The following RAB38 variants were observed in gnomAD, a reference collection of about 807,000 sequenced individuals.
RAB38 encodes the protein ras-related protein Rab-38.
Under a neutral mutation model 18.4 loss-of-function variants are expected in RAB38, and 15 were observed. That is an observed-to-expected ratio of 0.82 (90% CI 0.55 to 1.26). The LOEUF (loss-of-function observed/expected upper bound fraction) is 1.26, where lower values mean the gene tolerates loss of function less well. Among genes scored for constraint, RAB38 ranks in the 50% most tolerant of loss-of-function variants. RAB38 has a pLI of 0.00. For missense variants in RAB38, 294 were observed against 267.4 expected, an observed-to-expected ratio of 1.10 and a Z score of -0.69; for synonymous variants, 101 against 104.4, an observed-to-expected ratio of 0.97 and a Z score of 0.20.
intron 2 of RAB38, among the ~76,000 whole-genome samples, chr11:88,124,586 T>C (rs190590482): frequency 2.2e-4 from 34 of 152,318 alleles, no homozygotes; most frequent in African/African-American, 7.9e-4. Flanking sequence ...GCCTCAACCA[T>C]AGAACCTGTC....
At chr11:88,014,855 T>G in the RAB38 span, among the ~76,000 whole-genome samples, 1 of 152,058 alleles carries the variant, frequency 6.6e-6, no homozygotes, top group South Asian at 2.1e-4. Context: ...GAAATGTTAT[T>G]AGAAATAGTA....
At chr11:88,101,970 T>C in the RAB38 span, among the ~76,000 whole-genome samples, 2 of 151,966 alleles carry the variant, frequency 1.3e-5, no homozygotes, top group African/African-American at 4.8e-5. Flanking sequence ...ATGGTTACCT[T>C]GGAGATCCTG....
At chr11:87,829,941 C>T in the RAB38 span, among the ~76,000 whole-genome samples, 2 of 152,068 alleles carry the variant, frequency 1.3e-5, no homozygotes, top group Admixed American at 1.3e-4. Context: ...GATGTTTGAT[C>T]TATATACAAT....
At chr11:88,032,691 C>G in the RAB38 span, among the ~76,000 whole-genome samples, 4 of 152,174 alleles carry the variant, frequency 2.6e-5, no homozygotes, top group Admixed American at 2.6e-4. Context: ...CATCTCACAC[C>G]AGTTAGAATG....
At chr11:88,172,984 T>G (rs1345388078) in intron 1 of RAB38, among the ~76,000 whole-genome samples, 1 of 152,214 alleles carries the variant, frequency 6.6e-6, no homozygotes, top group Non-Finnish European at 1.5e-5. Flanking sequence ...ATCTGTAGAA[T>G]GAACTTCCCA....
intron 2 of RAB38, among the ~76,000 whole-genome samples, chr11:88,128,611 A>G: frequency 6.6e-6 from 1 of 152,166 alleles, no homozygotes; most frequent in East Asian, 1.9e-4. Context: ...AATTTTTCCT[A>G]CCTGCCCTCA....
At chr11:88,122,519 T>C (rs529364153) in intron 2 of RAB38, among the ~76,000 whole-genome samples, 4 of 152,344 alleles carry the variant, frequency 2.6e-5, no homozygotes, top group Non-Finnish European at 5.9e-5. Flanking sequence ...AAAATATTAA[T>C]TGTAATAATT....
the RAB38 span, among the ~76,000 whole-genome samples, chr11:87,819,659 G>GAT: frequency 4.2e-3 from 587 of 141,008 alleles, no homozygotes; most frequent in South Asian, 0.017. Context: ...GGATCTCTTG[G>GAT]ATATATATAT....
At chr11:87,884,534 T>C in the RAB38 span, among the ~76,000 whole-genome samples, 1 of 151,950 alleles carries the variant, frequency 6.6e-6, no homozygotes, top group Non-Finnish European at 1.5e-5. Context: ...AGCAATGGGA[T>C]GGGACTGGTA....
chr11:88,158,233 G>A (rs35875238), intron 1 of RAB38, among the ~76,000 whole-genome samples: 18,818 of 151,860 alleles, frequency 0.12, 1,541 homozygotes, highest in Middle Eastern at 0.22. Context: ...GAATCAGAAA[G>A]GAATTAAAAC....
At chr11:87,953,695 G>T in the RAB38 span, among the ~76,000 whole-genome samples, 1 of 152,008 alleles carries the variant, frequency 6.6e-6, no homozygotes, top group Non-Finnish European at 1.5e-5. Context: ...TACTATCTGC[G>T]GTTTCAGGCA....
At chr11:87,878,547 C>G in the RAB38 span, among the ~76,000 whole-genome samples, 2 of 151,480 alleles carry the variant, frequency 1.3e-5, no homozygotes, top group Admixed American at 1.3e-4. Flanking sequence ...AAGAATTCAT[C>G]CCAAGGCAAT....
the RAB38 span, among the ~76,000 whole-genome samples, chr11:88,079,011 T>A: frequency 6.6e-6 from 1 of 151,976 alleles, no homozygotes; most frequent in African/African-American, 2.4e-5. Context: ...ACATCTATTA[T>A]GTATCAATTA....
At chr11:87,972,758 A>AT in the RAB38 span, among the ~76,000 whole-genome samples, 6 of 152,128 alleles carry the variant, frequency 3.9e-5, no homozygotes, top group African/African-American at 1.4e-4. Flanking sequence ...AAATAAATAT[A>AT]TTTTTTAAAA....
the RAB38 span, among the ~76,000 whole-genome samples, chr11:87,838,537 C>T: frequency 6.6e-6 from 1 of 152,152 alleles, no homozygotes; most frequent in African/African-American, 2.4e-5. Flanking sequence ...TTTGTGAGAT[C>T]TGTCTCTTTT....
chr11:88,151,462 A>T (rs1008346685), intron 1 of RAB38, among the ~76,000 whole-genome samples: 7 of 152,290 alleles, frequency 4.6e-5, no homozygotes, highest in African/African-American at 1.7e-4. Flanking sequence ...GAAGACTTGT[A>T]TTTTCTGAAC....
intron 2 of RAB38, among the ~76,000 whole-genome samples, chr11:88,129,211 A>G (rs1942739372): frequency 6.6e-6 from 1 of 152,200 alleles, no homozygotes. Flanking sequence ...AATACTGGAC[A>G]TGCAAAAAAG....
the RAB38 span, among the ~76,000 whole-genome samples, chr11:87,951,333 G>T: frequency 6.6e-6 from 1 of 151,846 alleles, no homozygotes; most frequent in Non-Finnish European, 1.5e-5. Context: ...TTTGCCATTG[G>T]TTCGAATTTC....
At chr11:87,960,283 T>C in the RAB38 span, among the ~76,000 whole-genome samples, 1 of 151,886 alleles carries the variant, frequency 6.6e-6, no homozygotes, top group Non-Finnish European at 1.5e-5. Context: ...GAATTGGCAG[T>C]TCTAACACGC....
Sources: gnomAD v4.1 joint callset for allele counts (sites outside exome capture counted in the v4.1 genomes callset) on GRCh38, gnomAD v4.1.1 for gene constraint, MANE v1.5 for transcripts, NCBI Gene and HGNC (gene_info 2026-07-23, HGNC 2026-07-21) for gene names.